PRR11: variants seen among roughly 807,000 people sequenced by gnomAD.
The protein encoded by PRR11 is proline rich 11, also known as proline-rich protein 11.
Under a neutral mutation model 45.6 loss-of-function variants are expected in PRR11, and 30 were observed. The observed-to-expected ratio is 0.66, with a 90% CI of 0.49 to 0.89. The LOEUF is 0.89. PRR11 is among the 40% of genes least tolerant of loss of function. The pLI is 0.00. For missense variants in PRR11, 373 were observed against 424.8 expected (o/e 0.88, Z 1.07); for synonymous variants, 128 against 153.5 (o/e 0.83, Z 1.23).
chr17:59,188,972 T>TAA (rs2147851603), intron 4 of PRR11, among the ~76,000 whole-genome samples: 1 of 141,660 alleles, frequency 7.1e-6, no homozygotes, highest in African/African-American at 2.6e-5. Context: ...ATAATAATAA[T>TAA]AATACATTAT....
chr17:59,194,693 G>A (rs879088056), intron 5 of PRR11, 64 bp from the exon 6 acceptor site: 1 of 1,269,074 alleles, frequency 7.9e-7, no homozygotes, highest in South Asian at 1.3e-5. Context: ...AACTAGATTT[G>A]GATTTGCATT....
intron 2 of PRR11, among the ~76,000 whole-genome samples, chr17:59,170,721 TG>T (rs1186561180): frequency 3.3e-5 from 5 of 152,146 alleles, no homozygotes; most frequent in African/African-American, 1.2e-4. Context: ...CCCACCCTCA[TG>T]TTTTTTTCTA....
intron 5 of PRR11, 128 bp from the exon 6 acceptor site, chr17:59,194,629 T>G (rs1406833856): frequency 1.7e-6 from 1 of 589,302 alleles, no homozygotes; most frequent in Non-Finnish European, 3.0e-6. Context: ...GTAGAAAGAA[T>G]ATGACAGGTT....
intron 2 of PRR11, among the ~76,000 whole-genome samples, chr17:59,183,799 C>CT (rs953999743): frequency 6.6e-6 from 1 of 152,154 alleles, no homozygotes; most frequent in Non-Finnish European, 1.5e-5. Context: ...TACAAAAAGA[C>CT]TAAGTCGAAA....
chr17:59,184,845 A>C (rs2046805686), intron 2 of PRR11, among the ~76,000 whole-genome samples: 1 of 134,032 alleles, frequency 7.5e-6, no homozygotes, highest in Non-Finnish European at 1.6e-5. Context: ...ACCATGCCTG[A>C]TTAAGTTTTT....
At chr17:59,174,960 T>G in intron 2 of PRR11, 1 of 816,696 alleles carries the variant, frequency 1.2e-6, no homozygotes, top group East Asian at 3.6e-5. Flanking sequence ...CCCGCCTACC[T>G]CCTCCAACTA....
chr17:59,169,939 G>A, intron 2 of PRR11, 59 bp downstream of exon 2: 1 of 1,503,376 alleles, frequency 6.7e-7, no homozygotes, highest in Non-Finnish European at 8.9e-7. Flanking sequence ...TTAAGATAGA[G>A]TTTCAGATTT....
intron 2 of PRR11, among the ~76,000 whole-genome samples, chr17:59,182,406 T>TTTTTA (rs2147847524): frequency 6.7e-6 from 1 of 149,234 alleles, no homozygotes; most frequent in East Asian, 2.0e-4. Flanking sequence ...TTTTTTTTTT[T>TTTTTA]TTTGAGACAG....
rs1206413358 is a variant in PRR11 at position 59,181,961 on chromosome 17, T to C, written c.129-3093T>C. Among the ~76,000 whole-genome samples the C allele has an allele frequency of 2.2e-3, 329 of 150,154 alleles. 5 individuals carry two copies. Among genetic ancestry groups the C allele is most frequent in the African/African-American group, 8.0e-3 (316 of 39,682 alleles). ...CGTATCTCTGTCCTCAGAACACTTC[T>C]TCATGTCCTTCCCTGGTCCCTGGCT... On this transcript the variant is annotated intron_variant, in intron 2 of 9. Transcript: ENST00000262293.
At chr17:59,178,440 G>T in intron 2 of PRR11, 6 of 497,684 alleles carry the variant, frequency 1.2e-5, no homozygotes, top group Non-Finnish European at 2.4e-5. Context: ...GTGCACTGAA[G>T]CAGGAACACG....
chr17:59,191,052 G>C (rs2046838495), intron 4 of PRR11, among the ~76,000 whole-genome samples: 1 of 152,170 alleles, frequency 6.6e-6, no homozygotes, highest in Non-Finnish European at 1.5e-5. Flanking sequence ...TCCTGGTTAT[G>C]ATGGCCTATT....
At chr17:59,159,504 G>A (rs1213421365) in intron 1 of PRR11, among the ~76,000 whole-genome samples, 1 of 152,114 alleles carries the variant, frequency 6.6e-6, no homozygotes, top group African/African-American at 2.4e-5. Context: ...TGGTCTCTTT[G>A]TCTTCAGTCA....
At position 59,204,395 on chromosome 17, in the gene PRR11, C is replaced by CAAAA. The variant is rs71367677; in HGVS notation, c.*2785_*2788dup. ...TGGGCAACAGAGCCAGACCCTGCCT[C>CAAAA]AAAAAAAAAAAAAAAAAAAAAAAAG... is the stretch of plus-strand genomic sequence containing the variant. On this transcript the variant is annotated 3_prime_UTR_variant, in exon 10 of 10. Coordinates refer to ENST00000262293, the MANE Select transcript of PRR11 (RefSeq NM_018304.4). 1.4e-4 allele frequency: 7 copies of CAAAA among 48,864 alleles called. No individual in the cohort carries two copies. The highest frequency in any genetic ancestry group is 2.7e-4 in the Admixed American group (1 of 3,696). The allele number at this position is 48,864 out of a possible 1,614,324, so 3.0% of individuals were successfully genotyped here. A position where few individuals can be genotyped will look rare whatever the true frequency, so the allele number is the denominator to read the frequency against.
chr17:59,173,933 G>A (rs1223242142), intron 2 of PRR11, among the ~76,000 whole-genome samples: 2 of 152,196 alleles, frequency 1.3e-5, no homozygotes, highest in East Asian at 3.9e-4. Context: ...GTGAGAGAGA[G>A]GATGTCATAC....
At chr17:59,198,233 C>A (rs2046876118) in intron 9 of PRR11, among the ~76,000 whole-genome samples, 1 of 152,006 alleles carries the variant, frequency 6.6e-6, no homozygotes, top group Non-Finnish European at 1.5e-5. Context: ...TCATAAAATT[C>A]TATAAAATAC....
intron 2 of PRR11, chr17:59,181,533 A>G (rs1178425778): frequency 1.1e-5 from 13 of 1,181,842 alleles, no homozygotes; most frequent in Non-Finnish European, 1.5e-5. Context: ...TGAAGTCCTC[A>G]TGGTGCTCAG....
intron 9 of PRR11, 130 bp from the exon 10 acceptor site, chr17:59,201,433 G>A: frequency 1.2e-6 from 1 of 866,966 alleles, no homozygotes; most frequent in Non-Finnish European, 1.8e-6. Flanking sequence ...CAGGGAAACT[G>A]GGAAAAGTGG....
At chr17:59,184,436 T>C (rs1434805773) in intron 2 of PRR11, among the ~76,000 whole-genome samples, 1 of 152,196 alleles carries the variant, frequency 6.6e-6, no homozygotes, top group Non-Finnish European at 1.5e-5. Context: ...CTCTCCAGCC[T>C]GGGCAACAAG....
chr17:59,190,479 C>CAAA (rs1002787885), intron 4 of PRR11, among the ~76,000 whole-genome samples: 2 of 126,578 alleles, frequency 1.6e-5, no homozygotes, highest in African/African-American at 3.0e-5. Context: ...GACTCCATCT[C>CAAA]AAAAAAAAAA....
Sources: allele counts gnomAD v4.1 joint callset (sites outside exome capture counted in the v4.1 genomes callset), GRCh38; gene constraint gnomAD v4.1.1; transcripts MANE v1.5; gene names NCBI Gene and HGNC (gene_info 2026-07-23, HGNC 2026-07-21).